DGKG: variants seen among roughly 807,000 people sequenced by gnomAD.
DGKG encodes the protein diacylglycerol kinase gamma, also known as DAG kinase gamma.
DGKG carries 78 observed loss-of-function variants against 105.3 expected under a neutral mutation model. The observed-to-expected ratio is 0.74, with a 90% CI of 0.62 to 0.89. DGKG has a LOEUF of 0.89. DGKG is among the 40% of genes least tolerant of loss of function. The pLI, the probability that DGKG is intolerant of heterozygous loss-of-function variation, is 0.00. For missense variants in DGKG, 958 were observed against 1,020.1 expected (o/e 0.94, Z 0.83); for synonymous variants, 346 against 367.1 (o/e 0.94, Z 0.66).
At chr3:186,186,088 C>A in intron 22 of DGKG, among the ~76,000 whole-genome samples, 1 of 112,954 alleles carries the variant, frequency 8.9e-6, no homozygotes. Flanking sequence ...CAGAGTGAGA[C>A]TCTGCCTCAA....
At chr3:186,154,660 A>AG (rs1715943501) in intron 24 of DGKG, among the ~76,000 whole-genome samples, 1 of 151,328 alleles carries the variant, frequency 6.6e-6, no homozygotes, top group South Asian at 2.1e-4. Context: ...AAAAAAAAAA[A>AG]AAAGAAAAGA....
chr3:186,360,414 A>G (rs1727172505), intron 1 of DGKG, among the ~76,000 whole-genome samples: 1 of 152,178 alleles, frequency 6.6e-6, no homozygotes, highest in Admixed American at 6.5e-5. Flanking sequence ...CAAAAAAGAC[A>G]TAGATCAGGA....
chr3:186,302,630 A>G (rs1198542190), intron 3 of DGKG, among the ~76,000 whole-genome samples: 1 of 148,766 alleles, frequency 6.7e-6, no homozygotes, highest in Non-Finnish European at 1.5e-5. Context: ...ACCTATATCT[A>G]TATCTATATC....
chr3:186,288,442 G>A (rs1448957064), intron 6 of DGKG, among the ~76,000 whole-genome samples: 1 of 152,174 alleles, frequency 6.6e-6, no homozygotes, highest in Non-Finnish European at 1.5e-5. Flanking sequence ...ACCACTTGAT[G>A]GGACCCCTTC....
chr3:186,296,112 C>CAAAAAAAAAAAAAAAAA (rs36070727), intron 5 of DGKG, among the ~76,000 whole-genome samples: 1 of 143,388 alleles, frequency 7.0e-6, no homozygotes, highest in African/African-American at 2.6e-5. Flanking sequence ...TTATCTCAGA[C>CAAAAAAAAAAAAAAAAA]AAAAAAAAAA....
chr3:186,158,921 A>C, intron 24 of DGKG: 1 of 755,046 alleles, frequency 1.3e-6, no homozygotes, highest in Non-Finnish European at 1.6e-6. Flanking sequence ...AGTTTGCCTA[A>C]AATTAGCATA....
chr3:186,331,637 T>C (rs895870655), intron 1 of DGKG, among the ~76,000 whole-genome samples: 2 of 151,980 alleles, frequency 1.3e-5, no homozygotes, highest in Non-Finnish European at 1.5e-5. Context: ...GAGTGGCTGG[T>C]ACCCAGAAAA....
intron 1 of DGKG, among the ~76,000 whole-genome samples, chr3:186,345,136 GA>G (rs1238897034): frequency 2.6e-5 from 4 of 152,174 alleles, no homozygotes; most frequent in African/African-American, 9.6e-5. Context: ...TTCACTTATA[GA>G]AAACAATCCT....
intron 24 of DGKG, among the ~76,000 whole-genome samples, chr3:186,150,394 A>G (rs1715702975): frequency 6.6e-6 from 1 of 152,102 alleles, no homozygotes; most frequent in South Asian, 2.1e-4. Flanking sequence ...GGGCGGAAGC[A>G]CTGGGGAGAG....
chr3:186,297,930 C>T (rs1407854573), intron 4 of DGKG, 134 bp downstream of exon 4: 2 of 1,010,606 alleles, frequency 2.0e-6, no homozygotes, highest in Non-Finnish European at 2.9e-6. Flanking sequence ...AAAGGCGTCC[C>T]TGTCCCTTGG....
chr3:186,263,554 C>T (rs180764921), intron 14 of DGKG, among the ~76,000 whole-genome samples: 19 of 151,304 alleles, frequency 1.3e-4, no homozygotes, highest in African/African-American at 3.1e-4. Context: ...GAGACAAGAG[C>T]GAAACCCCAT....
chr3:186,188,902 C>T (rs1047621611), intron 21 of DGKG, among the ~76,000 whole-genome samples: 2 of 152,146 alleles, frequency 1.3e-5, no homozygotes, highest in East Asian at 1.9e-4. Context: ...GCAACCTCCA[C>T]TTTCCGGTTT....
rs1011559254 is a variant in DGKG, at chr3:186,361,409, C to T, written c.-249+537G>A. On this transcript the variant is annotated intron_variant, in intron 1 of 24. Transcript: ENST00000265022. This position sits in a 1 kb window ranked among gnomAD's most constrained non-coding sequence, Gnocchi z 6.8. ...GATCAACCTCAGATTCGACCCTTCCCTCCTTTATTCTCTGAGGTGTCCGTG... is the reference window on the plus strand; with the variant it reads ...GATCAACCTCAGATTCGACCCTTCCTTCCTTTATTCTCTGAGGTGTCCGTG... 3.3e-5 allele frequency among the ~76,000 whole-genome samples: 5 copies of T among 152,152 alleles called. No homozygotes were observed. Among genetic ancestry groups the T allele is most frequent in the Non-Finnish European group, 5.9e-5 (4 of 68,024 alleles).
Position 186,214,924 on chromosome 3 carries a change from A to G in DGKG, c.1827-3039T>C, listed in dbSNP as rs139656050. Among the ~76,000 whole-genome samples, 6 of 152,330 alleles carry G rather than the reference A, an allele frequency of 3.9e-5. No homozygotes were observed. The East Asian group carries it at 1.2e-3, about 29-fold the overall frequency. ...ACACCCAATTCTTAGAAGGATGTAG[A>G]AGGCAAACAGGGAAGGTGGAGAAAG... On this transcript the variant is annotated intron_variant, in intron 20 of 24. Coordinates refer to ENST00000265022, the MANE Select transcript of DGKG (RefSeq NM_001346.3).
At chr3:186,164,476 T>C (rs1716441273) in intron 23 of DGKG, among the ~76,000 whole-genome samples, 2 of 152,214 alleles carry the variant, frequency 1.3e-5, no homozygotes, top group African/African-American at 2.4e-5. Flanking sequence ...AAATAGTGTT[T>C]CTCAGGTCAC....
At chr3:186,265,353 A>C in intron 13 of DGKG, 47 bp from the exon 14 acceptor site, 1 of 1,556,170 alleles carries the variant, frequency 6.4e-7, no homozygotes, top group Non-Finnish European at 8.9e-7. Flanking sequence ...AAAGAAGCCT[A>C]ACACAAAGAA....
At chr3:186,325,101 C>A (rs1335886663) in intron 1 of DGKG, among the ~76,000 whole-genome samples, 1 of 152,186 alleles carries the variant, frequency 6.6e-6, no homozygotes, top group Non-Finnish European at 1.5e-5. Context: ...AATGAATTAA[C>A]ACAGGAATAG....
At chr3:186,314,173 G>GCA (rs3221277) in intron 2 of DGKG, among the ~76,000 whole-genome samples, 1,744 of 139,502 alleles carry the variant, frequency 0.013, 21 homozygotes, top group East Asian at 0.02. Context: ...ATACATATCT[G>GCA]CACACACACA....
chr3:186,279,199 G>A (rs1405618599), intron 9 of DGKG: 1 of 152,294 alleles, frequency 6.6e-6, no homozygotes, highest in Middle Eastern at 3.4e-3. Flanking sequence ...AAAATCTCAT[G>A]CATTCTTCAG....
Sources: allele counts gnomAD v4.1 joint callset (sites outside exome capture counted in the v4.1 genomes callset), GRCh38; gene constraint gnomAD v4.1.1; non-coding constraint Gnocchi (gnomAD v3.1); transcripts MANE v1.5; gene names NCBI Gene and HGNC (gene_info 2026-07-23, HGNC 2026-07-21).